Variants in TNIK observed in about 807,000 individuals in gnomAD.
TNIK encodes TRAF2 and NCK-interacting protein kinase.
TNIK carries 49 observed loss-of-function variants against 191.3 expected under a neutral mutation model. The ratio of observed to expected loss-of-function variants is 0.26; its 90% CI spans 0.20 to 0.32. The LOEUF (loss-of-function observed/expected upper bound fraction) is 0.32, where lower values mean the gene tolerates loss of function less well. Ranked by LOEUF, TNIK falls within the 10% of genes least tolerant of loss-of-function variation. The probability of loss-of-function intolerance (pLI) is 1.00; values close to 1 mark genes in which losing one functional copy is unlikely to be tolerated. For synonymous variants in TNIK, 594 were observed against 600.9 expected (o/e 0.99, Z 0.17); for missense variants, 1,155 against 1,702.3 (o/e 0.68, Z 5.66).
chr3:171,413,229 A>G (rs1309176554), intron 1 of TNIK, among the ~76,000 whole-genome samples: 1 of 152,042 alleles, frequency 6.6e-6, no homozygotes, highest in East Asian at 1.9e-4. Context: ...CTGATTCCAA[A>G]TTAAGTCCTT....
At chr3:171,421,580 A>C (rs1723802614) in intron 1 of TNIK, among the ~76,000 whole-genome samples, 1 of 152,098 alleles carries the variant, frequency 6.6e-6, no homozygotes, top group Non-Finnish European at 1.5e-5. Context: ...TATATTCCTG[A>C]AATTTGTTCA....
At chr3:171,218,962 AATATTTATATTT>A (rs993184574) in intron 3 of TNIK, among the ~76,000 whole-genome samples, 2 of 129,884 alleles carry the variant, frequency 1.5e-5, no homozygotes, top group Admixed American at 8.6e-5. Flanking sequence ...ATAAATATTA[AATATTTATATTT>A]ATATTTATAT....
At chr3:171,074,668 T>C (rs2108336391) in intron 28 of TNIK, among the ~76,000 whole-genome samples, 1 of 152,310 alleles carries the variant, frequency 6.6e-6, no homozygotes. Context: ...CAAGAAATAT[T>C]TTAAATGACT....
At chr3:171,144,826 C>G (rs1462453895) in intron 12 of TNIK, among the ~76,000 whole-genome samples, 3 of 152,306 alleles carry the variant, frequency 2.0e-5, no homozygotes, top group African/African-American at 7.2e-5. Flanking sequence ...AGAGTGACAT[C>G]TTAGATTCCA....
Position 171,287,214 on chromosome 3 carries a change from C to CA in TNIK, c.124-58994dup, listed in dbSNP as rs571026273. On this transcript the variant is annotated intron_variant, in intron 2 of 32. Transcript: ENST00000436636. ...CAAAACAAAACAAAAACAGAAACAACAAAAAAAACCCTCAAAATTGAACAA... is the reference window on the plus strand; with the variant it reads ...CAAAACAAAACAAAAACAGAAACAACAAAAAAAAACCCTCAAAATTGAACAA... 2.5e-3 allele frequency among the ~76,000 whole-genome samples: 374 copies of CA among 151,522 alleles called. 1 individual carries two copies. The highest frequency in any genetic ancestry group is 4.6e-3 in the South Asian group (22 of 4,788).
At chr3:171,425,558 G>C (rs558214438) in intron 1 of TNIK, among the ~76,000 whole-genome samples, 1 of 152,278 alleles carries the variant, frequency 6.6e-6, no homozygotes, top group African/African-American at 2.4e-5. Context: ...GGGCATGGTG[G>C]CTCACGCCTG....
intron 2 of TNIK, among the ~76,000 whole-genome samples, chr3:171,326,080 T>A (rs372042394): frequency 6.6e-6 from 1 of 152,206 alleles, no homozygotes. Flanking sequence ...AAGAGGAGAA[T>A]TGGAAATGTT....
intron 2 of TNIK, among the ~76,000 whole-genome samples, chr3:171,344,711 TACAACATTA>T (rs1711879199): frequency 7.6e-6 from 1 of 132,054 alleles, no homozygotes; most frequent in Non-Finnish European, 1.8e-5. Context: ...TACCTCTTTT[TACAACATTA>T]CGAAATTCTC....
chr3:171,275,050 C>T (rs914342844), intron 2 of TNIK, among the ~76,000 whole-genome samples: 3 of 152,110 alleles, frequency 2.0e-5, no homozygotes, highest in African/African-American at 7.2e-5. Flanking sequence ...CTCCATTCTG[C>T]CAACTAATAA....
chr3:171,320,905 G>A (rs574306955), intron 2 of TNIK, among the ~76,000 whole-genome samples: 1 of 152,282 alleles, frequency 6.6e-6, no homozygotes, highest in African/African-American at 2.4e-5. Context: ...AGGACTGGCT[G>A]TATTTCCCCA....
chr3:171,178,201 AGT>A (rs1487190255), intron 7 of TNIK, among the ~76,000 whole-genome samples: 1 of 152,160 alleles, frequency 6.6e-6, no homozygotes, highest in Non-Finnish European at 1.5e-5. Context: ...AATACCTGAG[AGT>A]GGAATGGCTG....
At chr3:171,434,591 A>G (rs566357981) in intron 1 of TNIK, among the ~76,000 whole-genome samples, 1 of 151,974 alleles carries the variant, frequency 6.6e-6, no homozygotes, top group Admixed American at 6.6e-5. Context: ...CTGAGAAGCT[A>G]AGACTACAGG....
chr3:171,343,839 G>C (rs1295012044), intron 2 of TNIK, among the ~76,000 whole-genome samples: 1 of 152,122 alleles, frequency 6.6e-6, no homozygotes, highest in African/African-American at 2.4e-5. Context: ...GGTGTTTGGT[G>C]GTTTACCCAA....
intron 4 of TNIK, among the ~76,000 whole-genome samples, chr3:171,200,647 C>T (rs949038993): frequency 6.6e-6 from 1 of 152,182 alleles, no homozygotes; most frequent in East Asian, 1.9e-4. Context: ...ACTGAGTCAG[C>T]GCTTGAGGTT....
At chr3:171,113,597 CTCTG>C (rs1369263708) in intron 18 of TNIK, among the ~76,000 whole-genome samples, 8 of 149,876 alleles carry the variant, frequency 5.3e-5, no homozygotes, top group Admixed American at 1.3e-4. Flanking sequence ...CAGAGCGAGA[CTCTG>C]TCTGTCTCGA....
intron 1 of TNIK, among the ~76,000 whole-genome samples, chr3:171,448,638 C>T (rs992344318): frequency 8.7e-5 from 13 of 148,816 alleles, no homozygotes; most frequent in South Asian, 4.2e-4. Context: ...AGTGAAATTC[C>T]TGGGTCACAT....
intron 18 of TNIK, among the ~76,000 whole-genome samples, chr3:171,119,837 T>C (rs1020276119): frequency 3.9e-5 from 6 of 152,038 alleles, no homozygotes; most frequent in African/African-American, 9.7e-5. Context: ...TTAGGAGATA[T>C]AGCTAATGTA....
intron 1 of TNIK, among the ~76,000 whole-genome samples, chr3:171,447,325 T>C (rs113814814): frequency 0.089 from 13,074 of 147,534 alleles, 631 homozygotes; most frequent in South Asian, 0.15. Flanking sequence ...AAAAAACACG[T>C]TATAATCTGA....
chr3:171,114,443 C>G (rs928299574), intron 18 of TNIK, among the ~76,000 whole-genome samples: 1 of 152,096 alleles, frequency 6.6e-6, no homozygotes, highest in African/African-American at 2.4e-5. Flanking sequence ...TTTAGTCTAC[C>G]AGTAACCCAG....
Sources: allele counts gnomAD v4.1 joint callset (sites outside exome capture counted in the v4.1 genomes callset), GRCh38; gene constraint gnomAD v4.1.1; transcripts MANE v1.5; gene names NCBI Gene and HGNC (gene_info 2026-07-23, HGNC 2026-07-21).